The following PRDM16 variants were observed in gnomAD, a reference collection of about 807,000 sequenced individuals.
PRDM16 encodes the protein PR/SET domain 16.
A neutral mutation model predicts 110.6 loss-of-function variants in PRDM16; 23 were observed. That is an observed-to-expected ratio of 0.21 (90% CI 0.15 to 0.29). The LOEUF is 0.29. PRDM16 is among the 10% of genes least tolerant of loss of function. The pLI, the probability that PRDM16 is intolerant of heterozygous loss-of-function variation, is 1.00. For missense variants in PRDM16, 1,615 were observed against 1,794.3 expected (o/e 0.90, Z 1.81); for synonymous variants, 799 against 781.8 (o/e 1.02, Z -0.37).
intron 4 of PRDM16, among the ~76,000 whole-genome samples, chr1:3,385,545 G>A (rs755490197): frequency 6.6e-6 from 1 of 152,192 alleles, no homozygotes; most frequent in South Asian, 2.1e-4. Flanking sequence ...ACCCCGAGAT[G>A]GTGGTTCAGG....
chr1:3,129,208 A>T (rs1050142687), intron 1 of PRDM16, among the ~76,000 whole-genome samples: 3 of 134,442 alleles, frequency 2.2e-5, no homozygotes, highest in Non-Finnish European at 4.7e-5. Context: ...ATATGTGTAC[A>T]TGTATGTGTG....
intron 1 of PRDM16, among the ~76,000 whole-genome samples, chr1:3,135,423 G>C (rs1169159032): frequency 1.3e-5 from 2 of 152,234 alleles, no homozygotes; most frequent in Non-Finnish European, 2.9e-5. Context: ...TCTTATCTGA[G>C]TTAAACAATG....
chr1:3,092,813 C>G (rs1460812096), intron 1 of PRDM16, among the ~76,000 whole-genome samples: 1 of 152,098 alleles, frequency 6.6e-6, no homozygotes, highest in East Asian at 1.9e-4. Flanking sequence ...CAGGGGCTGT[C>G]TCAGGGAGGA....
chr1:3,406,334 A>G (rs1643561214), intron 8 of PRDM16, among the ~76,000 whole-genome samples: 1 of 152,072 alleles, frequency 6.6e-6, no homozygotes, highest in Non-Finnish European at 1.5e-5. Context: ...TCCAGCAAAG[A>G]CACAAGGAGA....
intron 1 of PRDM16, among the ~76,000 whole-genome samples, chr1:3,086,299 C>T (rs1243239665): frequency 2.0e-5 from 3 of 152,048 alleles, no homozygotes; most frequent in Non-Finnish European, 4.4e-5. Flanking sequence ...CTGCTGCGAC[C>T]CCCAGGCTCA....
At chr1:3,187,784 A>T (rs1427390013) in intron 2 of PRDM16, among the ~76,000 whole-genome samples, 1 of 151,950 alleles carries the variant, frequency 6.6e-6, no homozygotes, top group Non-Finnish European at 1.5e-5. Context: ...ATATAGGGAG[A>T]CTCAGGAGCT....
intron 3 of PRDM16, among the ~76,000 whole-genome samples, chr1:3,336,936 T>A (rs911809866): frequency 2.7e-5 from 4 of 150,588 alleles, no homozygotes; most frequent in African/African-American, 9.8e-5. Flanking sequence ...TATGCACATG[T>A]GTTGGTGTGA....
chr1:3,238,854 C>T (rs896282448), intron 2 of PRDM16, among the ~76,000 whole-genome samples: 16 of 152,246 alleles, frequency 1.1e-4, no homozygotes, highest in Non-Finnish European at 1.8e-4. Flanking sequence ...GACTCGAGTG[C>T]GGGCGCTGCC....
chr1:3,182,174 G>A (rs943344740), intron 1 of PRDM16, among the ~76,000 whole-genome samples: 3 of 152,216 alleles, frequency 2.0e-5, no homozygotes, highest in Admixed American at 1.3e-4. Flanking sequence ...GATGAAGGAG[G>A]AAGCACAGCC....
rs12027704 is a variant in PRDM16 at position 3,287,271 on chromosome 1, C to T, written c.438+43134C>T. 3.8e-3 allele frequency among the ~76,000 whole-genome samples: 535 copies of T among 141,080 alleles called. 11 individuals carry two copies. The highest frequency in any genetic ancestry group is 0.013 in the African/African-American group (486 of 37,352). The allele number at this position is 141,080 out of a possible 152,430, so 92.6% of individuals were successfully genotyped here. ...TTGCATTTACCGGGGCTGGAGGCGC[C>T]CCGCCACGCGGGCATCCAGGATTGC... On this transcript the variant is annotated intron_variant, in intron 3 of 16. Transcript: ENST00000270722.
intron 2 of PRDM16, among the ~76,000 whole-genome samples, chr1:3,188,652 C>A (rs1644301306): frequency 6.6e-6 from 1 of 152,220 alleles, no homozygotes; most frequent in Non-Finnish European, 1.5e-5. Flanking sequence ...CCGGCAGGAT[C>A]TCGCCTGACC....
At chr1:3,180,587 C>A (rs973062400) in intron 1 of PRDM16, among the ~76,000 whole-genome samples, 4 of 152,162 alleles carry the variant, frequency 2.6e-5, no homozygotes, top group Non-Finnish European at 5.9e-5. Context: ...CATCAGGAGG[C>A]CCCCAGGGAA....
intron 2 of PRDM16, among the ~76,000 whole-genome samples, chr1:3,241,253 C>T (rs1290019808): frequency 2.0e-5 from 3 of 152,262 alleles, no homozygotes; most frequent in Admixed American, 1.3e-4. Context: ...CTGTTGCCAT[C>T]GGGCGCCGGT....
chr1:3,215,426 T>C (rs78511691), intron 2 of PRDM16, among the ~76,000 whole-genome samples: 2,554 of 79,862 alleles, frequency 0.032, 17 homozygotes, highest in African/African-American at 0.12. Flanking sequence ...GCAAGGCCTA[T>C]TGGGGTCCAG....
chr1:3,082,202 C>G (rs989840138), intron 1 of PRDM16, among the ~76,000 whole-genome samples: 1 of 152,178 alleles, frequency 6.6e-6, no homozygotes, highest in Non-Finnish European at 1.5e-5. Flanking sequence ...GGGAGGCCCC[C>G]GCGGCCAGGC....
chr1:3,079,854 C>A (rs1641981105), intron 1 of PRDM16, among the ~76,000 whole-genome samples: 1 of 152,232 alleles, frequency 6.6e-6, no homozygotes, highest in Admixed American at 6.5e-5. Context: ...GCCCGCCAAG[C>A]TACTCTGTTT....
At chr1:3,375,949 A>T (rs1361005209) in intron 3 of PRDM16, among the ~76,000 whole-genome samples, 2 of 152,156 alleles carry the variant, frequency 1.3e-5, no homozygotes, top group African/African-American at 4.8e-5. Flanking sequence ...CACAGCAGAG[A>T]TGGCAGAACT....
At chr1:3,394,400 C>T (rs993565610) in intron 4 of PRDM16, 3 of 449,316 alleles carry the variant, frequency 6.7e-6, no homozygotes, top group African/African-American at 4.1e-5. Flanking sequence ...GCCCTCTGCC[C>T]GCCAGTGGAG....
chr1:3,197,628 G>T (rs1006870886), intron 2 of PRDM16, among the ~76,000 whole-genome samples: 1 of 152,240 alleles, frequency 6.6e-6, no homozygotes, highest in Non-Finnish European at 1.5e-5. Context: ...GATCATTTGC[G>T]CTTGAGATCT....
Sources: allele counts gnomAD v4.1 joint callset (sites outside exome capture counted in the v4.1 genomes callset), GRCh38; gene constraint gnomAD v4.1.1; transcripts MANE v1.5; gene names NCBI Gene and HGNC (gene_info 2026-07-23, HGNC 2026-07-21).